The following RUNX1 variants were observed in gnomAD, a reference collection of about 807,000 sequenced individuals.
The protein encoded by RUNX1 is runt-related transcription factor 1.
Under a neutral mutation model 42.8 loss-of-function variants are expected in RUNX1, and 19 were observed. That is an observed-to-expected ratio of 0.44 (90% confidence interval 0.31 to 0.65). The LOEUF is 0.65. Among genes scored for constraint, RUNX1 ranks in the 30% least tolerant of loss-of-function variants. RUNX1 has a pLI of 0.07. For synonymous variants in RUNX1, 271 were observed against 289.4 expected, an observed-to-expected ratio of 0.94 and a Z score of 0.64; for missense variants, 528 against 672.0, an observed-to-expected ratio of 0.79 and a Z score of 2.37.
intron 8 of RUNX1, among the ~76,000 whole-genome samples, chr21:34,794,701 G>T (rs2145888218): frequency 6.6e-6 from 1 of 152,268 alleles, no homozygotes; most frequent in Non-Finnish European, 1.5e-5. Flanking sequence ...CGGAGGATTT[G>T]TGTATTAGGC....
chr21:34,993,998 T>C (rs2058973887), intron 2 of RUNX1, among the ~76,000 whole-genome samples: 2 of 152,248 alleles, frequency 1.3e-5, no homozygotes, highest in South Asian at 4.1e-4. Flanking sequence ...GCAAGTGGTT[T>C]TGGGGAAAGG....
rs184844842 is a variant in RUNX1, at chr21:34,823,136, C to A, written c.805+11274G>T. 2.5e-3 allele frequency among the ~76,000 whole-genome samples: 378 copies of A among 152,296 alleles called. 2 individuals are homozygous for A. The highest frequency in any genetic ancestry group is 3.8e-3 in the Non-Finnish European group (256 of 68,018). ...AATTTACAGGGCTGGGAGACTTAAC[C>A]GTCCCAGACGGGTGAGCTCCTGATA... On this transcript the variant is annotated intron_variant, in intron 7 of 8. Transcript: ENST00000675419.
At position 34,789,334 on chromosome 21, in the gene RUNX1, G is replaced by C. The variant is rs1358840036; in HGVS notation, c.*2801C>G. 1 of 233,362 alleles carries C rather than the reference G, an allele frequency of 4.3e-6. No individual in the cohort carries two copies. The highest frequency in any genetic ancestry group is 8.5e-6 in the Non-Finnish European group (1 of 118,080). The allele number at this position is 233,362 out of a possible 1,614,324, so 14.5% of individuals were successfully genotyped here. ...AAGAGAGAAAAAAAGGGAGATATTG[G>C]GGGGAAGAGAGGGAGGGAAATGTAT... On this transcript the variant is annotated 3_prime_UTR_variant, in exon 9 of 9. Coordinates refer to ENST00000675419, the MANE Select transcript of RUNX1 (RefSeq NM_001754.5).
At chr21:34,899,165 C>T (rs1296051797) in intron 2 of RUNX1, among the ~76,000 whole-genome samples, 2 of 152,292 alleles carry the variant, frequency 1.3e-5, no homozygotes, top group East Asian at 1.9e-4. Context: ...CTGCCCACCT[C>T]GGCCTCATAA....
chr21:34,916,548 G>C (rs1601566587), intron 2 of RUNX1, among the ~76,000 whole-genome samples: 1 of 152,164 alleles, frequency 6.6e-6, no homozygotes, highest in South Asian at 2.1e-4. Context: ...CACAGGAAGG[G>C]GGAGAAATGA....
intron 2 of RUNX1, among the ~76,000 whole-genome samples, chr21:35,017,557 T>A (rs1390228564): frequency 6.6e-6 from 1 of 152,164 alleles, no homozygotes; most frequent in Non-Finnish European, 1.5e-5. Flanking sequence ...AGGTCTACTT[T>A]TCAGGCTATC....
At chr21:34,835,736 C>T (rs1372417380) in intron 6 of RUNX1, among the ~76,000 whole-genome samples, 1 of 152,184 alleles carries the variant, frequency 6.6e-6, no homozygotes, top group African/African-American at 2.4e-5. Context: ...AACCTCTGTT[C>T]CCTATTGCCA....
intron 2 of RUNX1, among the ~76,000 whole-genome samples, chr21:34,954,072 C>T (rs755881127): frequency 4.6e-5 from 7 of 152,118 alleles, no homozygotes; most frequent in African/African-American, 7.2e-5. Flanking sequence ...TTCTGTGGAC[C>T]CAGATCTAAA....
At chr21:34,856,238 T>A (rs1484663363) in intron 6 of RUNX1, 4 of 436,520 alleles carry the variant, frequency 9.2e-6, no homozygotes, top group African/African-American at 8.1e-5. Context: ...GCAGGTTGAA[T>A]GGCAGTTTGT....
At chr21:34,998,664 C>T (rs1429751918) in intron 2 of RUNX1, among the ~76,000 whole-genome samples, 2 of 152,128 alleles carry the variant, frequency 1.3e-5, no homozygotes, top group South Asian at 2.1e-4. Context: ...GCCTCAGCCT[C>T]CCGAGTAGCT....
At chr21:35,036,280 A>T (rs2146987347) in intron 2 of RUNX1, among the ~76,000 whole-genome samples, 1 of 151,630 alleles carries the variant, frequency 6.6e-6, no homozygotes. Context: ...TGATTTTATT[A>T]TATTATTATT....
chr21:34,951,728 CAG>C (rs2058609534), intron 2 of RUNX1, among the ~76,000 whole-genome samples: 1 of 152,158 alleles, frequency 6.6e-6, no homozygotes, highest in African/African-American at 2.4e-5. Context: ...CAGGAAACAA[CAG>C]ATGCTGGAGA....
At chr21:34,921,661 C>T (rs781658877) in intron 2 of RUNX1, among the ~76,000 whole-genome samples, 10 of 151,838 alleles carry the variant, frequency 6.6e-5, no homozygotes, top group South Asian at 2.1e-4. Context: ...GAGACAGTGT[C>T]TCTCTCTGTT....
chr21:34,837,014 T>C (rs946494047), intron 6 of RUNX1, among the ~76,000 whole-genome samples: 1 of 152,218 alleles, frequency 6.6e-6, no homozygotes, highest in African/African-American at 2.4e-5. Context: ...TGTTTTTTAT[T>C]TTAATTAGTC....
At chr21:34,966,817 T>C (rs2058722050) in intron 2 of RUNX1, among the ~76,000 whole-genome samples, 1 of 152,174 alleles carries the variant, frequency 6.6e-6, no homozygotes, top group Admixed American at 6.5e-5. Context: ...CCCAAGAGTT[T>C]TCGATTTTCA....
chr21:34,868,340 C>A (rs1047646591), intron 5 of RUNX1, among the ~76,000 whole-genome samples: 3 of 152,204 alleles, frequency 2.0e-5, no homozygotes, highest in African/African-American at 7.2e-5. Context: ...ATTCTTTAAA[C>A]TGTAAGCCAA....
intron 7 of RUNX1, among the ~76,000 whole-genome samples, chr21:34,800,477 T>G (rs1601350506): frequency 6.6e-6 from 1 of 152,200 alleles, no homozygotes; most frequent in East Asian, 1.9e-4. Flanking sequence ...CTCCCAAGGG[T>G]CTTCATAGCC....
chr21:34,855,036 G>A (rs1474386860), intron 6 of RUNX1, among the ~76,000 whole-genome samples: 2 of 152,118 alleles, frequency 1.3e-5, no homozygotes, highest in Admixed American at 1.3e-4. Flanking sequence ...TTAACCTGGG[G>A]ACAGACAGAA....
At chr21:34,953,611 C>A (rs1232172185) in intron 2 of RUNX1, among the ~76,000 whole-genome samples, 1 of 152,138 alleles carries the variant, frequency 6.6e-6, no homozygotes, top group Non-Finnish European at 1.5e-5. Flanking sequence ...ACTGGAATTA[C>A]CATAAGAAAG....
Sources: allele counts gnomAD v4.1 joint callset (sites outside exome capture counted in the v4.1 genomes callset), GRCh38; gene constraint gnomAD v4.1.1; transcripts MANE v1.5; gene names NCBI Gene and HGNC (gene_info 2026-07-23, HGNC 2026-07-21).